The following DEPDC5 variants were observed in gnomAD, a reference collection of about 807,000 sequenced individuals.
DEPDC5 encodes GATOR1 complex protein DEPDC5.
Under a neutral mutation model 217.3 loss-of-function variants are expected in DEPDC5, and 73 were observed. The ratio of observed to expected loss-of-function variants is 0.34; its 90% CI spans 0.28 to 0.41. The LOEUF (loss-of-function observed/expected upper bound fraction) is 0.41, where lower values mean the gene tolerates loss of function less well. DEPDC5 is among the 10% of genes least tolerant of loss of function. The pLI is 1.00. For missense variants in DEPDC5, 1,675 were observed against 2,070.1 expected (o/e 0.81, Z 3.70); for synonymous variants, 733 against 756.7 (o/e 0.97, Z 0.51).
At chr22:31,902,177 A>G (rs1162095244) in intron 41 of DEPDC5, among the ~76,000 whole-genome samples, 1 of 152,076 alleles carries the variant, frequency 6.6e-6, no homozygotes, top group Non-Finnish European at 1.5e-5. Flanking sequence ...GTTAAAAAGC[A>G]ATAGATGAGT....
intron 31 of DEPDC5, among the ~76,000 whole-genome samples, chr22:31,853,831 C>T (rs1304436290): frequency 2.0e-5 from 3 of 152,130 alleles, no homozygotes; most frequent in Admixed American, 6.5e-5. Flanking sequence ...GAGAGAGACC[C>T]CACCAAAGCA....
Position 31,756,102 on chromosome 22 carries a change from C to T in DEPDC5, c.58+1123C>T, listed in dbSNP as rs184680154. On this transcript the variant is annotated intron_variant, in intron 2 of 42. Coordinates refer to ENST00000651528, the MANE Select transcript of DEPDC5 (RefSeq NM_001242896.3). ...TTCACCATGTTTCCCAGGCTGGTCT[C>T]GAACTCCTGAGCTCAGGCAATCCGC... Among the ~76,000 whole-genome samples the T allele has an allele frequency of 1.9e-3, 277 of 147,818 alleles. 2 individuals are homozygous for T. The highest frequency in any genetic ancestry group is 0.016 in the South Asian group (74 of 4,718).
At chr22:31,823,090 T>C in intron 24 of DEPDC5, 1 of 324,848 alleles carries the variant, frequency 3.1e-6, no homozygotes, top group Non-Finnish European at 6.0e-6. Flanking sequence ...AGAGCTGGAG[T>C]GGTCTGTGCT....
intron 27 of DEPDC5, among the ~76,000 whole-genome samples, 200 bp from the exon 28 acceptor site, chr22:31,842,895 T>C (rs1245910694): frequency 6.6e-6 from 1 of 152,184 alleles, no homozygotes; most frequent in Non-Finnish European, 1.5e-5. Flanking sequence ...AATCTGCTCC[T>C]GGTTGGTTTA....
chr22:31,758,739 T>A, intron 3 of DEPDC5, 106 bp downstream of exon 3: 1 of 1,113,340 alleles, frequency 9.0e-7, no homozygotes, highest in South Asian at 1.3e-5. Flanking sequence ...CTGTGATGGC[T>A]CAATCCTGTA....
intron 20 of DEPDC5, chr22:31,813,924 G>C (rs2088754490): frequency 6.6e-6 from 1 of 152,190 alleles, no homozygotes; most frequent in Admixed American, 6.6e-5. Flanking sequence ...CTTGAGTTCA[G>C]GAGTTTGAGA....
At chr22:31,845,366 C>T in intron 30 of DEPDC5, 129 bp downstream of exon 30, 1 of 1,245,530 alleles carries the variant, frequency 8.0e-7, no homozygotes, top group Non-Finnish European at 1.1e-6. Context: ...ACCTTAAATC[C>T]AAAACAGTGT....
At chr22:31,806,968 C>T (rs75611435) in intron 18 of DEPDC5, among the ~76,000 whole-genome samples, 3 of 152,264 alleles carry the variant, frequency 2.0e-5, no homozygotes, top group Admixed American at 6.5e-5. Context: ...GCTATAATTG[C>T]GCCATTGCAC....
At chr22:31,773,964 G>A (rs1358321438) in intron 7 of DEPDC5, among the ~76,000 whole-genome samples, 6 of 152,106 alleles carry the variant, frequency 3.9e-5, no homozygotes, top group African/African-American at 1.4e-4. Context: ...CCAGCTACTC[G>A]GGAGGCTGAG....
At position 31,819,310 on chromosome 22, in the gene DEPDC5, A is replaced by G. The variant is rs1012163789; in HGVS notation, c.1870+85A>G. 7.6e-6 allele frequency: 11 copies of G among 1,449,186 alleles called. No individual in the cohort carries two copies. The African/African-American group carries it at 1.1e-4, about 15-fold the overall frequency. 89.8% of individuals were successfully genotyped at this position (1,449,186 alleles called of 1,614,324 possible). On this transcript the variant is annotated intron_variant, in intron 22 of 42. Coordinates refer to ENST00000651528, the MANE Select transcript of DEPDC5 (RefSeq NM_001242896.3). ...GTCGGTCACCCATGTGTCCTTGGTC[A>G]GGTGCCTCTGTTGCTCCACCTGTAA...
At chr22:31,875,995 T>G in intron 36 of DEPDC5, 162 bp from the exon 37 acceptor site, 1 of 587,368 alleles carries the variant, frequency 1.7e-6, no homozygotes, top group African/African-American at 1.9e-5. Context: ...GAGTTTACAT[T>G]TTAAAATATA....
At chr22:31,796,249 T>C (rs5998131) in intron 12 of DEPDC5, among the ~76,000 whole-genome samples, 49,763 of 151,696 alleles carry the variant, frequency 0.33, 9,340 homozygotes, top group African/African-American at 0.53. Flanking sequence ...TACAGGTGCC[T>C]GCCACCACAC....
At chr22:31,774,434 G>A (rs1008775086) in intron 7 of DEPDC5, among the ~76,000 whole-genome samples, 4 of 151,842 alleles carry the variant, frequency 2.6e-5, no homozygotes, top group African/African-American at 9.7e-5. Flanking sequence ...CCCGACCTCA[G>A]GTAATCTGCC....
Position 31,843,811 on chromosome 22 carries a change from A to G in DEPDC5, c.2800A>G (p.Ser934Gly). Residue 934 changes from serine (S) to glycine (G), a missense_variant and splice_region_variant, in exon 29 of 43, where the codon AGC (serine) becomes GGC (glycine). Transcript: ENST00000651528. ...CTGTTCTGCCGGCTCTGAAGACTTC[A>G]GGTCAGAGAGTGGGCTTTGGATTTC... ...YICSAGSEDF[S>G]LIESLKFWRT... The G allele has an allele frequency of 6.3e-7, 1 of 1,590,656 alleles. No homozygotes were observed. Among genetic ancestry groups the G allele is most frequent in the Non-Finnish European group, 8.6e-7 (1 of 1,160,782 alleles).
intron 38 of DEPDC5, among the ~76,000 whole-genome samples, chr22:31,887,419 CAAAA>C (rs567430576): frequency 1.1e-4 from 7 of 65,678 alleles, no homozygotes; most frequent in African/African-American, 2.1e-4. Context: ...AACTCTGTCT[CAAAA>C]AAAAAAAAAA....
chr22:31,836,263 C>T (rs533705789), intron 25 of DEPDC5, among the ~76,000 whole-genome samples: 5 of 152,284 alleles, frequency 3.3e-5, no homozygotes, highest in African/African-American at 1.2e-4. Flanking sequence ...AGGACAGCCC[C>T]CACAACAAAG....
At chr22:31,758,175 C>T (rs1025329640) in intron 2 of DEPDC5, among the ~76,000 whole-genome samples, 3 of 152,164 alleles carry the variant, frequency 2.0e-5, no homozygotes, top group African/African-American at 7.2e-5. Context: ...ACGAATTGTG[C>T]TGTATCTGTG....
chr22:31,847,256 G>T (rs2091790737), intron 31 of DEPDC5, among the ~76,000 whole-genome samples: 1 of 152,030 alleles, frequency 6.6e-6, no homozygotes, highest in Admixed American at 6.6e-5. Flanking sequence ...GGTGGCTCAG[G>T]CCTATAATCC....
chr22:31,783,784 T>C, intron 8 of DEPDC5, 123 bp from the exon 9 acceptor site: 1 of 709,288 alleles, frequency 1.4e-6, no homozygotes, highest in Non-Finnish European at 2.2e-6. Flanking sequence ...TTTTTAAGTG[T>C]ATAGTTCAAT....
Sources: gnomAD v4.1 joint callset for allele counts (sites outside exome capture counted in the v4.1 genomes callset) on GRCh38, gnomAD v4.1.1 for gene constraint, MANE v1.5 for transcripts, NCBI Gene and HGNC (gene_info 2026-07-23, HGNC 2026-07-21) for gene names.